The following CDC73 variants were observed in gnomAD, a reference collection of about 807,000 sequenced individuals.
CDC73 encodes parafibromin.
A neutral mutation model predicts 83.7 loss-of-function variants in CDC73; 21 were observed. The observed-to-expected ratio is 0.25, with a 90% CI of 0.18 to 0.36. The LOEUF is 0.36. Ranked by LOEUF, CDC73 falls within the 10% of genes least tolerant of loss-of-function variation. The pLI, the probability that CDC73 is intolerant of heterozygous loss-of-function variation, is 1.00. For synonymous variants in CDC73, 224 were observed against 212.9 expected, an observed-to-expected ratio of 1.05 and a Z score of -0.45; for missense variants, 342 against 653.3, an observed-to-expected ratio of 0.52 and a Z score of 5.19.
intron 13 of CDC73, among the ~76,000 whole-genome samples, chr1:193,213,840 C>G (rs952706108): frequency 8.5e-5 from 13 of 152,126 alleles, no homozygotes; most frequent in Non-Finnish European, 1.5e-4. Context: ...TATCTCAAGC[C>G]TTGAGTTGAT....
chr1:193,235,905 A>G (rs754060979), intron 14 of CDC73, among the ~76,000 whole-genome samples: 3 of 152,230 alleles, frequency 2.0e-5, no homozygotes, highest in Non-Finnish European at 4.4e-5. Context: ...AATAGTTATC[A>G]ACCACTATTC....
chr1:193,239,869 A>T (rs1282730415), intron 15 of CDC73, among the ~76,000 whole-genome samples: 1 of 152,190 alleles, frequency 6.6e-6, no homozygotes, highest in East Asian at 1.9e-4. Context: ...ACCATGGCAT[A>T]TGTTTAACTG....
At chr1:193,122,449 G>A (rs1214982827) in intron 1 of CDC73, 118 bp downstream of exon 1, 3 of 1,357,400 alleles carry the variant, frequency 2.2e-6, no homozygotes, top group East Asian at 2.3e-5. Flanking sequence ...CGGGTGTTCG[G>A]GGAAAAGAAA....
intron 7 of CDC73, among the ~76,000 whole-genome samples, chr1:193,145,270 CCATTTATTG>C (rs199914313): frequency 0.012 from 1,861 of 152,194 alleles, 18 homozygotes; most frequent in South Asian, 0.034. Flanking sequence ...CCTTTAAGAA[CCATTTATTG>C]CATTTTGGTA....
chr1:193,241,083 C>T (rs539617605), intron 15 of CDC73, among the ~76,000 whole-genome samples: 26 of 152,060 alleles, frequency 1.7e-4, no homozygotes, highest in Non-Finnish European at 3.2e-4. Flanking sequence ...TAATTTCTTA[C>T]TTTTTCTGTT....
intron 10 of CDC73, among the ~76,000 whole-genome samples, chr1:193,200,309 TA>T (rs1229445065): frequency 6.6e-6 from 1 of 152,212 alleles, no homozygotes; most frequent in Non-Finnish European, 1.5e-5. Context: ...TTGCAACAAA[TA>T]TTTTTTTCTG....
At chr1:193,128,858 A>AAAT (rs2103116667) in intron 2 of CDC73, among the ~76,000 whole-genome samples, 1 of 152,310 alleles carries the variant, frequency 6.6e-6, no homozygotes, top group South Asian at 2.1e-4. Flanking sequence ...TTACACATAT[A>AAAT]AAGTGACAAA....
chr1:193,142,378 G>T (rs1270517396), intron 7 of CDC73, among the ~76,000 whole-genome samples: 1 of 151,990 alleles, frequency 6.6e-6, no homozygotes, highest in East Asian at 1.9e-4. Flanking sequence ...CCTAATAAAT[G>T]GAATAATATT....
chr1:193,181,457 G>T, intron 10 of CDC73: 2 of 1,614,026 alleles, frequency 1.2e-6, no homozygotes, highest in South Asian at 1.1e-5. Context: ...ATAGCAAAAA[G>T]AAACACTAGA....
At chr1:193,132,297 G>T (rs918929180) in intron 3 of CDC73, among the ~76,000 whole-genome samples, 1 of 152,078 alleles carries the variant, frequency 6.6e-6, no homozygotes, top group African/African-American at 2.4e-5. Flanking sequence ...GACTTATTAC[G>T]TGCTTATTCT....
At chr1:193,200,763 G>C (rs970948417) in intron 10 of CDC73, among the ~76,000 whole-genome samples, 1 of 152,018 alleles carries the variant, frequency 6.6e-6, no homozygotes, top group Non-Finnish European at 1.5e-5. Flanking sequence ...CATTCCGTGT[G>C]TGTGTGTGTG....
intron 3 of CDC73, among the ~76,000 whole-genome samples, chr1:193,131,959 T>C (rs1292695083): frequency 6.6e-6 from 1 of 152,226 alleles, no homozygotes; most frequent in Non-Finnish European, 1.5e-5. Context: ...GTGTCTGTCT[T>C]TCCCATTAGA....
At chr1:193,165,829 G>A (rs1458369678) in intron 10 of CDC73, among the ~76,000 whole-genome samples, 2 of 152,088 alleles carry the variant, frequency 1.3e-5, no homozygotes, top group Non-Finnish European at 2.9e-5. Context: ...GCTAACATTT[G>A]GTCTGTAAGG....
At chr1:193,123,806 GATAAGTTGATGTGAAATGCTTTCT>G (rs1445234310) in intron 1 of CDC73, among the ~76,000 whole-genome samples, 2 of 152,156 alleles carry the variant, frequency 1.3e-5, no homozygotes. Context: ...AGATTAAACA[GATAAGTTGATGTGAAATGCTTTCT>G]ATAAGTTGAT....
At chr1:193,230,006 A>G (rs1257142521) in intron 13 of CDC73, among the ~76,000 whole-genome samples, 1 of 152,160 alleles carries the variant, frequency 6.6e-6, no homozygotes, top group Non-Finnish European at 1.5e-5. Flanking sequence ...TTCAAAACTC[A>G]TCTATTTATG....
At chr1:193,122,998 T>C (rs1675491400) in intron 1 of CDC73, among the ~76,000 whole-genome samples, 1 of 152,142 alleles carries the variant, frequency 6.6e-6, no homozygotes, top group African/African-American at 2.4e-5. Flanking sequence ...AAGGGAAATG[T>C]TTGGGAATGT....
At chr1:193,223,727 T>C (rs1677511787) in intron 13 of CDC73, among the ~76,000 whole-genome samples, 3 of 152,150 alleles carry the variant, frequency 2.0e-5, no homozygotes, top group Non-Finnish European at 4.4e-5. Context: ...TTAATTGGTT[T>C]GCAAATCCAA....
At position 193,254,581 on chromosome 1, in the gene CDC73, T is replaced by G. The variant is rs1056375292; in HGVS notation, c.*3869T>G. On this transcript the variant is annotated 3_prime_UTR_variant, in exon 17 of 17. Transcript: ENST00000367435. ...TGTTTATATCTGTTGGAATAATAACTAAGGAAAAATTGAAAATGTATAATA... is the reference window on the plus strand; with the variant it reads ...TGTTTATATCTGTTGGAATAATAACGAAGGAAAAATTGAAAATGTATAATA... 6.6e-6 allele frequency among the ~76,000 whole-genome samples: 1 copy of G among 152,118 alleles called. No homozygotes were observed. The highest frequency in any genetic ancestry group is 1.5e-5 in the Non-Finnish European group (1 of 67,984).
intron 11 of CDC73, among the ~76,000 whole-genome samples, chr1:193,208,684 T>G (rs986422940): frequency 1.3e-5 from 2 of 152,194 alleles, no homozygotes; most frequent in Non-Finnish European, 2.9e-5. Flanking sequence ...CACTTAAATG[T>G]AAACTTAATA....
Sources: allele counts gnomAD v4.1 joint callset (sites outside exome capture counted in the v4.1 genomes callset), GRCh38; gene constraint gnomAD v4.1.1; transcripts MANE v1.5; gene names NCBI Gene and HGNC (gene_info 2026-07-23, HGNC 2026-07-21).